PTK2: variants seen among roughly 807,000 people sequenced by gnomAD.
PTK2 encodes focal adhesion kinase 1.
Under a neutral mutation model 150.1 loss-of-function variants are expected in PTK2, and 45 were observed. The observed-to-expected ratio is 0.30, with a 90% confidence interval of 0.24 to 0.38. The LOEUF (loss-of-function observed/expected upper bound fraction) is 0.38, where lower values mean the gene tolerates loss of function less well. Ranked by LOEUF, PTK2 falls within the 10% of genes least tolerant of loss-of-function variation. The pLI is 1.00. For missense variants in PTK2, 919 were observed against 1,307.3 expected (o/e 0.70, Z 4.58); for synonymous variants, 432 against 449.2 (o/e 0.96, Z 0.48).
At chr8:140,713,920 T>C (rs2100038113) in intron 23 of PTK2, among the ~76,000 whole-genome samples, 1 of 152,150 alleles carries the variant, frequency 6.6e-6, no homozygotes, top group African/African-American at 2.4e-5. Flanking sequence ...AAGGCCTTGT[T>C]CTGTTGCCCA....
intron 1 of PTK2, among the ~76,000 whole-genome samples, chr8:140,947,183 A>C (rs1254283424): frequency 6.6e-6 from 1 of 151,986 alleles, no homozygotes; most frequent in Non-Finnish European, 1.5e-5. Flanking sequence ...CCCTATTTCA[A>C]ACCTCCTCCA....
At chr8:140,841,707 A>G (rs748028552) in intron 7 of PTK2, among the ~76,000 whole-genome samples, 1 of 152,026 alleles carries the variant, frequency 6.6e-6, no homozygotes, top group Non-Finnish European at 1.5e-5. Flanking sequence ...ATGTGTTAAC[A>G]TGACAAAGAC....
chr8:140,931,661 G>A (rs1053352511), intron 1 of PTK2, among the ~76,000 whole-genome samples: 3 of 151,968 alleles, frequency 2.0e-5, no homozygotes, highest in African/African-American at 4.8e-5. Flanking sequence ...TAGGCCAGGC[G>A]TGATGACTCA....
intron 23 of PTK2, among the ~76,000 whole-genome samples, chr8:140,716,159 G>A (rs2100039603): frequency 6.6e-6 from 1 of 152,170 alleles, no homozygotes; most frequent in Non-Finnish European, 1.5e-5. Context: ...GGAGTAGGTA[G>A]GTGACTTGCT....
At chr8:140,834,508 T>C (rs1246966273) in intron 7 of PTK2, among the ~76,000 whole-genome samples, 1 of 152,206 alleles carries the variant, frequency 6.6e-6, no homozygotes, top group Non-Finnish European at 1.5e-5. Flanking sequence ...ACGGTTTCTA[T>C]GATCTATTCA....
chr8:140,922,370 G>C (rs918377438), intron 2 of PTK2, among the ~76,000 whole-genome samples: 1 of 151,850 alleles, frequency 6.6e-6, no homozygotes, highest in Non-Finnish European at 1.5e-5. Flanking sequence ...ACATGAGCAA[G>C]CTAGGAAAAG....
chr8:140,932,089 C>A (rs1046642179), intron 1 of PTK2, among the ~76,000 whole-genome samples: 2 of 152,162 alleles, frequency 1.3e-5, no homozygotes, highest in African/African-American at 4.8e-5. Flanking sequence ...CTCTTTCCCC[C>A]ACTGACCCCA....
chr8:140,798,961 C>G (rs192086895), intron 12 of PTK2, among the ~76,000 whole-genome samples: 1 of 152,298 alleles, frequency 6.6e-6, no homozygotes, highest in Admixed American at 6.5e-5. Context: ...TTTCTGAAAG[C>G]AACTTCATTA....
intron 4 of PTK2, among the ~76,000 whole-genome samples, chr8:140,864,932 A>G (rs185277548): frequency 6.6e-6 from 1 of 152,342 alleles, no homozygotes; most frequent in Non-Finnish European, 1.5e-5. Context: ...GGTTGCATAT[A>G]TACCTAGGAG....
At chr8:140,729,037 T>C (rs1176289175) in intron 22 of PTK2, among the ~76,000 whole-genome samples, 2 of 152,008 alleles carry the variant, frequency 1.3e-5, no homozygotes, top group African/African-American at 4.8e-5. Flanking sequence ...TTAGATGCCT[T>C]GCAGCTTCAC....
At chr8:140,924,464 C>T (rs2100168709) in intron 2 of PTK2, among the ~76,000 whole-genome samples, 1 of 152,162 alleles carries the variant, frequency 6.6e-6, no homozygotes, top group Non-Finnish European at 1.5e-5. Flanking sequence ...CATATTGTCT[C>T]CAGGGCCTTA....
intron 12 of PTK2, 132 bp from the exon 13 acceptor site, chr8:140,793,516 A>G: frequency 3.5e-6 from 3 of 855,664 alleles, no homozygotes; most frequent in Non-Finnish European, 5.3e-6. Context: ...AAGTTGCTAC[A>G]CTGTCTACCT....
At chr8:140,776,069 A>G (rs1038717802) in intron 14 of PTK2, among the ~76,000 whole-genome samples, 1 of 152,136 alleles carries the variant, frequency 6.6e-6, no homozygotes, top group Admixed American at 6.5e-5. Context: ...CAGTGGCGTG[A>G]TCTTGCTTAC....
At chr8:140,823,252 T>A (rs1383045555) in intron 8 of PTK2, among the ~76,000 whole-genome samples, 1 of 152,152 alleles carries the variant, frequency 6.6e-6, no homozygotes, top group African/African-American at 2.4e-5. Context: ...AGGTAAATAC[T>A]GACATGCAGT....
rs995025005 is a variant in PTK2, at chr8:140,859,742, G to C, written c.450+4570C>G. ...GATGAGGACAATTACTGATTTATCT[G>C]TGCCCCCCCTCCCGCCCACCCCCGA... On this transcript the variant is annotated intron_variant, in intron 5 of 31. Coordinates refer to ENST00000522684, the Ensembl canonical transcript of PTK2. 6.6e-5 allele frequency among the ~76,000 whole-genome samples: 10 copies of C among 150,884 alleles called. 1 individual carries two copies. The East Asian group carries it at 1.8e-3, about 27-fold the overall frequency.
intron 1 of PTK2, among the ~76,000 whole-genome samples, chr8:140,930,858 G>C (rs748553965): frequency 4.6e-5 from 7 of 152,094 alleles, no homozygotes; most frequent in Non-Finnish European, 7.4e-5. Flanking sequence ...CAGATCACTT[G>C]AGGCCAGAAG....
rs1228212329 is a variant in PTK2, at chr8:140,833,877, C to T, written c.594-3351G>A. 2.0e-5 allele frequency among the ~76,000 whole-genome samples: 3 copies of T among 152,268 alleles called. No individual in the cohort carries two copies. The East Asian group carries it at 5.8e-4, about 29-fold the overall frequency. ...ACCCAAGCATCAGTTTATTAGATTC[C>T]CACATCAGTTCAGAGAAACCTCTTG... On this transcript the variant is annotated intron_variant, in intron 7 of 31. Transcript: ENST00000522684.
chr8:140,968,920 C>T (rs770144304), intron 1 of PTK2, among the ~76,000 whole-genome samples: 1 of 152,156 alleles, frequency 6.6e-6, no homozygotes, highest in Non-Finnish European at 1.5e-5. Flanking sequence ...TGATCAGGGA[C>T]GCAAAATCAT....
intron 5 of PTK2, among the ~76,000 whole-genome samples, chr8:140,860,440 G>C (rs2100135379): frequency 1.3e-5 from 2 of 152,102 alleles, no homozygotes; most frequent in Admixed American, 1.3e-4. Context: ...CAAGGCTTTT[G>C]GTATACTGGC....
Sources: allele counts gnomAD v4.1 joint callset (sites outside exome capture counted in the v4.1 genomes callset), GRCh38; gene constraint gnomAD v4.1.1; transcripts MANE v1.5; gene names NCBI Gene and HGNC (gene_info 2026-07-23, HGNC 2026-07-21).